The following DENND1A variants were observed in gnomAD, a reference collection of about 807,000 sequenced individuals.
The protein encoded by DENND1A is DENN domain-containing protein 1A.
In DENND1A, 51 loss-of-function variants were observed where a neutral mutation model predicts 113.7. That is an observed-to-expected ratio of 0.45 (90% CI 0.36 to 0.57). The LOEUF (loss-of-function observed/expected upper bound fraction) is 0.57, where lower values mean the gene tolerates loss of function less well. Ranked by LOEUF, DENND1A falls within the 20% of genes least tolerant of loss-of-function variation. The pLI is 0.00. For synonymous variants in DENND1A, 565 were observed against 570.8 expected, an observed-to-expected ratio of 0.99 and a Z score of 0.14; for missense variants, 1,258 against 1,395.9, an observed-to-expected ratio of 0.90 and a Z score of 1.57.
At chr9:123,854,936 A>T (rs982011610) in intron 2 of DENND1A, among the ~76,000 whole-genome samples, 1 of 150,982 alleles carries the variant, frequency 6.6e-6, no homozygotes, top group Non-Finnish European at 1.5e-5. Flanking sequence ...CCGATCCTTC[A>T]TATACTCTAA....
chr9:123,470,903 G>A (rs1025511360), intron 13 of DENND1A, among the ~76,000 whole-genome samples: 9 of 152,088 alleles, frequency 5.9e-5, no homozygotes, highest in African/African-American at 2.2e-4. Context: ...GTGTTGAAAC[G>A]GGCCTGGTAC....
At chr9:123,740,764 G>A (rs1032037485) in intron 5 of DENND1A, among the ~76,000 whole-genome samples, 1 of 152,132 alleles carries the variant, frequency 6.6e-6, no homozygotes, top group Non-Finnish European at 1.5e-5. Flanking sequence ...TGGCTCGTAA[G>A]TCAGAATTTG....
chr9:123,502,720 G>C (rs1265244677), intron 13 of DENND1A, among the ~76,000 whole-genome samples: 1 of 152,130 alleles, frequency 6.6e-6, no homozygotes. Context: ...TTCTTTCGTA[G>C]CCTGTGCCTT....
intron 18 of DENND1A, among the ~76,000 whole-genome samples, chr9:123,444,645 T>TAAAAC (rs753887164): frequency 6.6e-6 from 1 of 151,942 alleles, no homozygotes; most frequent in Non-Finnish European, 1.5e-5. Context: ...TCTCAAAAAA[T>TAAAAC]AAAACAAAAC....
intron 5 of DENND1A, among the ~76,000 whole-genome samples, chr9:123,681,202 T>C (rs1350112175): frequency 6.6e-6 from 1 of 151,658 alleles, no homozygotes; most frequent in East Asian, 1.9e-4. Context: ...ACAGCATCTA[T>C]GTGGAGTGGA....
chr9:123,580,406 T>C (rs765573905), intron 12 of DENND1A, among the ~76,000 whole-genome samples: 4 of 152,254 alleles, frequency 2.6e-5, no homozygotes, highest in Non-Finnish European at 5.9e-5. Flanking sequence ...CTGTAATAGA[T>C]ATGTAATTGA....
intron 10 of DENND1A, among the ~76,000 whole-genome samples, chr9:123,622,759 T>C (rs2061020112): frequency 2.0e-5 from 3 of 152,238 alleles, no homozygotes. Context: ...CAGCTTGATT[T>C]TGAAGATTTG....
intron 13 of DENND1A, among the ~76,000 whole-genome samples, chr9:123,511,301 T>C (rs1350115087): frequency 6.6e-6 from 1 of 152,202 alleles, no homozygotes; most frequent in Non-Finnish European, 1.5e-5. Context: ...TACTTCACTG[T>C]CCTGAGCCTA....
intron 2 of DENND1A, among the ~76,000 whole-genome samples, chr9:123,807,991 C>G (rs1835885708): frequency 1.3e-5 from 2 of 152,150 alleles, no homozygotes; most frequent in South Asian, 4.1e-4. Flanking sequence ...TTTGGGAGGC[C>G]AAGGCAGGAG....
chr9:123,453,647 C>T (rs1277343096), intron 16 of DENND1A, among the ~76,000 whole-genome samples: 1 of 152,158 alleles, frequency 6.6e-6, no homozygotes, highest in East Asian at 1.9e-4. Context: ...TGGAGAGAGG[C>T]TGGAACCAGT....
intron 5 of DENND1A, among the ~76,000 whole-genome samples, chr9:123,713,138 G>T (rs1228734127): frequency 6.6e-6 from 1 of 152,218 alleles, no homozygotes; most frequent in Non-Finnish European, 1.5e-5. Flanking sequence ...GGCAGAGAAT[G>T]CCTTGATGGT....
intron 1 of DENND1A, among the ~76,000 whole-genome samples, chr9:123,914,676 C>A (rs1029807316): frequency 6.6e-6 from 1 of 151,862 alleles, no homozygotes; most frequent in Non-Finnish European, 1.5e-5. Context: ...AGTTTACAAT[C>A]ATGGCTGAAG....
At chr9:123,844,803 C>A (rs2133039409) in intron 2 of DENND1A, among the ~76,000 whole-genome samples, 1 of 152,268 alleles carries the variant, frequency 6.6e-6, no homozygotes, top group East Asian at 1.9e-4. Context: ...TCATACTTCT[C>A]AATTTTAAAA....
intron 7 of DENND1A, 110 bp from the exon 8 acceptor site, chr9:123,667,189 C>T (rs527532426): frequency 1.1e-5 from 12 of 1,069,966 alleles, no homozygotes; most frequent in East Asian, 2.8e-5. Context: ...GAAAAGGAAA[C>T]GGTTTCACTC....
At chr9:123,859,506 G>A (rs1844753155) in intron 2 of DENND1A, among the ~76,000 whole-genome samples, 1 of 151,518 alleles carries the variant, frequency 6.6e-6, no homozygotes, top group African/African-American at 2.4e-5. Flanking sequence ...AAATTACATG[G>A]TTAATAAGAA....
At chr9:123,852,629 G>A (rs985565649) in intron 2 of DENND1A, among the ~76,000 whole-genome samples, 5 of 152,182 alleles carry the variant, frequency 3.3e-5, no homozygotes, top group Non-Finnish European at 5.9e-5. Context: ...GAATATAACA[G>A]CACACTCCCA....
chr9:123,927,175 T>C (rs1401605005), intron 1 of DENND1A, among the ~76,000 whole-genome samples: 1 of 152,186 alleles, frequency 6.6e-6, no homozygotes, highest in Non-Finnish European at 1.5e-5. Flanking sequence ...CAACCAGGCT[T>C]AAACTTAAAA....
intron 8 of DENND1A, among the ~76,000 whole-genome samples, chr9:123,664,804 AT>A (rs2063416483): frequency 6.6e-6 from 1 of 152,166 alleles, no homozygotes; most frequent in Admixed American, 6.5e-5. Flanking sequence ...AGTATGCTCT[AT>A]TTTGAAATTT....
intron 5 of DENND1A, among the ~76,000 whole-genome samples, chr9:123,733,742 T>G (rs1417474497): frequency 6.6e-6 from 1 of 151,918 alleles, no homozygotes; most frequent in East Asian, 1.9e-4. Context: ...CTTGGCTCAC[T>G]GCAACCTCCA....
Sources: allele counts gnomAD v4.1 joint callset (sites outside exome capture counted in the v4.1 genomes callset), GRCh38; gene constraint gnomAD v4.1.1; transcripts MANE v1.5; gene names NCBI Gene and HGNC (gene_info 2026-07-23, HGNC 2026-07-21).